The following MDN1 variants were observed in gnomAD, a reference collection of about 807,000 sequenced individuals.
The protein encoded by MDN1 is midasin.
Under a neutral mutation model 669.2 loss-of-function variants are expected in MDN1, and 266 were observed. The observed-to-expected ratio is 0.40, with a 90% CI of 0.36 to 0.44. The LOEUF is 0.44. MDN1 is among the 20% of genes least tolerant of loss of function. MDN1 has a pLI of 1.00. For missense variants in MDN1, 5,940 were observed against 6,754.0 expected (o/e 0.88, Z 4.22); for synonymous variants, 2,385 against 2,457.1 (o/e 0.97, Z 0.87).
At chr6:89,645,769 T>A (rs1246436629) in intron 100 of MDN1, among the ~76,000 whole-genome samples, 4 of 152,218 alleles carry the variant, frequency 2.6e-5, no homozygotes, top group South Asian at 2.1e-4. Context: ...ATATAGTACA[T>A]GAGTTGAGGG....
intron 1 of MDN1, chr6:89,815,017 C>T: frequency 3.4e-6 from 2 of 593,402 alleles, no homozygotes; most frequent in Non-Finnish European, 5.6e-6. Flanking sequence ...GGTGGAGACC[C>T]AGGTGAAGGC....
chr6:89,696,601 C>A (rs1812761668), intron 59 of MDN1, 27 bp from the exon 60 acceptor site: 1 of 1,564,628 alleles, frequency 6.4e-7, no homozygotes, highest in Admixed American at 1.7e-5. Context: ...GAGTCAATAA[C>A]TTTTAGAAAT....
intron 1 of MDN1, among the ~76,000 whole-genome samples, chr6:89,806,233 C>T (rs368825162): frequency 2.4e-4 from 36 of 152,126 alleles, no homozygotes; most frequent in East Asian, 2.1e-3. Flanking sequence ...CCACTGTGCC[C>T]GGCCCCATTT....
chr6:89,712,391 A>G (rs573852226), intron 48 of MDN1, 135 bp from the exon 49 acceptor site: 3 of 1,020,086 alleles, frequency 2.9e-6, no homozygotes, highest in African/African-American at 3.2e-5. Flanking sequence ...ACAGAGGAAG[A>G]AAGTTAAAAC....
chr6:89,677,466 G>A, intron 76 of MDN1, 104 bp downstream of exon 76: 1 of 1,407,558 alleles, frequency 7.1e-7, no homozygotes, highest in Non-Finnish European at 9.7e-7. Flanking sequence ...TAGCCACAGT[G>A]GTATTGCTAT....
At chr6:89,662,649 G>T in intron 86 of MDN1, 143 bp downstream of exon 86, 1 of 986,960 alleles carries the variant, frequency 1.0e-6, no homozygotes, top group Non-Finnish European at 1.5e-6. Flanking sequence ...AATAAGATAG[G>T]ATAGAAAAAA....
intron 33 of MDN1, among the ~76,000 whole-genome samples, chr6:89,737,105 CTG>C (rs557984341): frequency 7.2e-4 from 109 of 152,212 alleles, no homozygotes; most frequent in African/African-American, 2.3e-3. Context: ...TTGGTAGAGA[CTG>C]TAGAGAAAAA....
At chr6:89,797,139 A>G (rs113214984) in intron 2 of MDN1, among the ~76,000 whole-genome samples, 1 of 152,048 alleles carries the variant, frequency 6.6e-6, no homozygotes, top group South Asian at 2.1e-4. Context: ...TGGGAGGCCA[A>G]GGGAGGTGGA....
intron 2 of MDN1, among the ~76,000 whole-genome samples, chr6:89,801,675 C>T (rs1332913162): frequency 1.3e-5 from 2 of 149,912 alleles, no homozygotes; most frequent in Non-Finnish European, 3.0e-5. Context: ...CAAAACACAA[C>T]ACAAAAATTA....
At chr6:89,793,620 T>C in intron 5 of MDN1, 142 bp downstream of exon 5, 1 of 608,432 alleles carries the variant, frequency 1.6e-6, no homozygotes, top group Non-Finnish European at 2.7e-6. Context: ...AAGATGAATT[T>C]CTTTTTAACT....
intron 35 of MDN1, 82 bp from the exon 36 acceptor site, chr6:89,729,221 C>A: frequency 9.1e-7 from 1 of 1,095,262 alleles, no homozygotes; most frequent in South Asian, 1.5e-5. Context: ...TTTTAAAAAT[C>A]TACCACATGG....
At chr6:89,780,734 C>A (rs370433924) in intron 10 of MDN1, among the ~76,000 whole-genome samples, 1 of 150,828 alleles carries the variant, frequency 6.6e-6, no homozygotes, top group African/African-American at 2.4e-5. Flanking sequence ...AACCTCCACC[C>A]GGGTTCAGGC....
rs753574370 is a variant in MDN1 at position 89,718,989 on chromosome 6, G to A, written c.6099C>T (p.His2033=). 6.2e-7 allele frequency: 1 copy of A among 1,614,200 alleles called. No individual in the cohort carries two copies. Among genetic ancestry groups the A allele is most frequent in the South Asian group, 1.1e-5 (1 of 91,080 alleles). The part of the protein sequence containing the change: ...SVLSRGSCVP[H]PSRHPLLLLH... ...GGAGCAACAGGGGATGGCGGGACGG[G>A]TGAGGAACACAGCTCCCACGGGAAA... Residue 2033 remains histidine, a synonymous_variant, in exon 42 of 102, where the codon CAC becomes CAT. Transcript: ENST00000369393.
intron 53 of MDN1, among the ~76,000 whole-genome samples, chr6:89,705,179 T>C (rs891916288): frequency 1.3e-5 from 2 of 152,244 alleles, no homozygotes; most frequent in African/African-American, 4.8e-5. Context: ...AATTTTACTT[T>C]AGAAATTGCT....
At chr6:89,687,269 C>G (rs943025585) in intron 68 of MDN1, 75 bp downstream of exon 68, 66 of 1,391,500 alleles carry the variant, frequency 4.7e-5, no homozygotes, top group Non-Finnish European at 6.5e-5. Context: ...TATATAAATC[C>G]TAAAGAAATT....
At chr6:89,817,380 G>T (rs1768910091) in intron 1 of MDN1, among the ~76,000 whole-genome samples, 2 of 152,114 alleles carry the variant, frequency 1.3e-5, no homozygotes, top group Admixed American at 1.3e-4. Context: ...AACATTTACT[G>T]CCTACTGCAT....
At position 89,712,711 on chromosome 6, in the gene MDN1, T is replaced by A. The variant is rs1261781103; in HGVS notation, c.7294A>T (p.Met2432Leu). ...GGCACAGAATCTGGCCACAGTCCCA[T>A]GCCAAGAATGGAGTCTCCCCAGGTT... ...HETWGDSILG[M>L]GLWPDSVPSA... The change falls in exon 48 of 102, where the codon ATG becomes TTG. Residue 2432 changes from methionine (M) to leucine (L), a missense_variant. Physicochemically the swap from Met to Leu is conservative, Grantham distance 15. Coordinates refer to ENST00000369393, the MANE Select transcript of MDN1 (RefSeq NM_014611.3). 1 of 1,614,046 alleles carries A rather than the reference T, an allele frequency of 6.2e-7. No individual in the cohort carries two copies. The highest frequency in any genetic ancestry group is 1.3e-5 in the African/African-American group (1 of 74,918).
chr6:89,700,580 A>G (rs778287478), intron 56 of MDN1, 66 bp downstream of exon 56: 41 of 1,517,608 alleles, frequency 2.7e-5, no homozygotes, highest in Non-Finnish European at 3.4e-5. Flanking sequence ...GGGAAAACTT[A>G]TTAACTACCA....
chr6:89,673,924 G>A (rs1034824902), intron 79 of MDN1, among the ~76,000 whole-genome samples, 180 bp downstream of exon 79: 1 of 152,012 alleles, frequency 6.6e-6, no homozygotes. Flanking sequence ...CTCAGAACCT[G>A]CAGATGACAC....
Sources: gnomAD v4.1 joint callset for allele counts (sites outside exome capture counted in the v4.1 genomes callset) on GRCh38, gnomAD v4.1.1 for gene constraint, MANE v1.5 for transcripts, NCBI Gene and HGNC (gene_info 2026-07-23, HGNC 2026-07-21) for gene names.